The following BCL11A variants were observed in gnomAD, a reference collection of about 807,000 sequenced individuals.
BCL11A encodes the protein BCL11 transcription factor A.
A neutral mutation model predicts 55.9 loss-of-function variants in BCL11A; 2 were observed. The ratio of observed to expected loss-of-function variants is 0.04; its 90% confidence interval spans 0.01 to 0.11. The LOEUF (loss-of-function observed/expected upper bound fraction) is 0.11, where lower values mean the gene tolerates loss of function less well. Ranked by LOEUF, BCL11A falls within the 10% of genes least tolerant of loss-of-function variation. The pLI is 1.00. For missense variants in BCL11A, 817 were observed against 1,137.1 expected (o/e 0.72, Z 4.05); for synonymous variants, 465 against 473.4 (o/e 0.98, Z 0.23).
chr2:60,459,528 G>A lies in BCL11A; in HGVS notation c.*876C>T, dbSNP rs1362055367. 9.8e-7 allele frequency: 1 copy of A among 1,023,664 alleles called. No individual in the cohort carries two copies. The highest frequency in any genetic ancestry group is 1.7e-5 in the African/African-American group (1 of 58,714). 63.4% of individuals were successfully genotyped at this position (1,023,664 alleles called of 1,614,324 possible). A position where few individuals can be genotyped will look rare whatever the true frequency, so the allele number is the denominator to read the frequency against. On this transcript the variant is annotated 3_prime_UTR_variant, in exon 4 of 4. Coordinates refer to ENST00000642384, the MANE Select transcript of BCL11A (RefSeq NM_022893.4). ...ATGATGATTAACTAGGACATAATGGGTCATCTTTTTAGGTAGCCATTGTTG... is the reference window on the plus strand; with the variant it reads ...ATGATGATTAACTAGGACATAATGGATCATCTTTTTAGGTAGCCATTGTTG...
intron 2 of BCL11A, among the ~76,000 whole-genome samples, chr2:60,474,105 C>T (rs1320159162): frequency 6.6e-6 from 1 of 152,202 alleles, no homozygotes; most frequent in Non-Finnish European, 1.5e-5. Flanking sequence ...ATGCTATCCT[C>T]TTAGAGCCTT....
At chr2:60,533,718 G>A (rs762268073) in intron 2 of BCL11A, 5 of 152,248 alleles carry the variant, frequency 3.3e-5, no homozygotes, top group East Asian at 3.9e-4. Flanking sequence ...AGAATCGCTC[G>A]ACACACACAA....
intron 1 of BCL11A, among the ~76,000 whole-genome samples, chr2:60,552,722 T>C (rs1486198361): frequency 6.6e-6 from 1 of 152,120 alleles, no homozygotes; most frequent in Admixed American, 6.5e-5. Flanking sequence ...CTCACCTCTT[T>C]TCTCCCCGGG....
intron 2 of BCL11A, among the ~76,000 whole-genome samples, chr2:60,520,851 C>T (rs1315764715): frequency 1.3e-5 from 2 of 151,984 alleles, no homozygotes; most frequent in African/African-American, 2.4e-5. Flanking sequence ...CCAGTGGGTT[C>T]CCACCGGTGT....
At chr2:60,544,282 C>G (rs185992697) in intron 2 of BCL11A, 2 of 152,240 alleles carry the variant, frequency 1.3e-5, no homozygotes, top group African/African-American at 2.4e-5. Flanking sequence ...TCTCCGAAGA[C>G]GACAAATCCC....
chr2:60,514,866 G>GAAAAAAGAAAAAAA (rs1294230693), intron 2 of BCL11A, among the ~76,000 whole-genome samples: 1 of 80,102 alleles, frequency 1.2e-5, no homozygotes, highest in Admixed American at 1.2e-4. Flanking sequence ...CACTAAAACA[G>GAAAAAAGAAAAAAA]AAAAAAGAAA....
At chr2:60,492,796 G>GTGTTT (rs1247852267) in intron 2 of BCL11A, among the ~76,000 whole-genome samples, 11 of 152,194 alleles carry the variant, frequency 7.2e-5, no homozygotes, top group Non-Finnish European at 1.5e-4. Context: ...CCAGTGGTGG[G>GTGTTT]TGTTTTGTTT....
chr2:60,502,481 C>T (rs1679347246), intron 2 of BCL11A, among the ~76,000 whole-genome samples: 2 of 152,334 alleles, frequency 1.3e-5, no homozygotes, highest in Non-Finnish European at 2.9e-5. Flanking sequence ...TTGAGCTCTG[C>T]CATCACACAC....
At chr2:60,545,657 T>C in intron 2 of BCL11A, 1 of 323,716 alleles carries the variant, frequency 3.1e-6, no homozygotes, top group East Asian at 7.4e-5. Context: ...CTAGGTGTAG[T>C]AAAGCTCAAT....
At chr2:60,497,282 A>AG (rs925247532) in intron 2 of BCL11A, among the ~76,000 whole-genome samples, 2 of 152,220 alleles carry the variant, frequency 1.3e-5, no homozygotes, top group Non-Finnish European at 2.9e-5. Flanking sequence ...TTTTGTAAAG[A>AG]GGGGGGAAAA....
At chr2:60,516,398 T>C (rs1668728549) in intron 2 of BCL11A, among the ~76,000 whole-genome samples, 1 of 152,212 alleles carries the variant, frequency 6.6e-6, no homozygotes, top group East Asian at 1.9e-4. Context: ...TGCAAAGTTA[T>C]GAACAGCTCT....
chr2:60,496,387 A>G (rs1381959034), intron 2 of BCL11A, among the ~76,000 whole-genome samples: 4 of 152,178 alleles, frequency 2.6e-5, no homozygotes, highest in Non-Finnish European at 1.5e-5. Context: ...GCTTTGTGAA[A>G]CCATTTCCCA....
At chr2:60,540,857 T>C (rs1669887258) in intron 2 of BCL11A, among the ~76,000 whole-genome samples, 1 of 151,978 alleles carries the variant, frequency 6.6e-6, no homozygotes, top group Non-Finnish European at 1.5e-5. Flanking sequence ...GAGAAAGGTG[T>C]GCAAAACATA....
chr2:60,472,052 C>G (rs531454747), intron 2 of BCL11A, among the ~76,000 whole-genome samples: 8 of 152,284 alleles, frequency 5.3e-5, no homozygotes, highest in African/African-American at 1.9e-4. Flanking sequence ...TGTCCAGGAC[C>G]CACCTCCTTT....
At chr2:60,531,331 T>C (rs1669448438) in intron 2 of BCL11A, among the ~76,000 whole-genome samples, 1 of 152,196 alleles carries the variant, frequency 6.6e-6, no homozygotes, top group South Asian at 2.1e-4. Flanking sequence ...ATACTGGGAC[T>C]GCCCCCTCCT....
rs566013571 is a variant in BCL11A at position 60,550,909 on chromosome 2, A to G, written c.55+2307T>C. On this transcript the variant is annotated intron_variant, in intron 1 of 3. Transcript: ENST00000642384. ...TTCACACCGCCGCGCGCCGCGTCTG[A>G]TCCGCATCCGGCGCGGCCGGGGGAG... 1.5e-5 allele frequency: 6 copies of G among 392,994 alleles called. No homozygotes were observed. The South Asian group carries it at 6.5e-4, about 43-fold the overall frequency. 24.3% of individuals were successfully genotyped at this position (392,994 alleles called of 1,614,324 possible).
At chr2:60,476,938 C>A (rs1677640607) in intron 2 of BCL11A, among the ~76,000 whole-genome samples, 1 of 152,184 alleles carries the variant, frequency 6.6e-6, no homozygotes, top group African/African-American at 2.4e-5. Context: ...GGCTCAACTG[C>A]AATCCATGCC....
At chr2:60,464,179 A>G (rs1253263172) in intron 3 of BCL11A, among the ~76,000 whole-genome samples, 1 of 152,190 alleles carries the variant, frequency 6.6e-6, no homozygotes, top group Non-Finnish European at 1.5e-5. Context: ...TAAATCTCTT[A>G]AACAAGATTA....
Position 60,461,074 on chromosome 2 carries a change from G to A in BCL11A, c.1838C>T (p.Ala613Val). 1 of 1,602,974 alleles carries A rather than the reference G, an allele frequency of 6.2e-7. No individual in the cohort carries two copies. The highest frequency in any genetic ancestry group is 8.5e-7 in the Non-Finnish European group (1 of 1,173,814). The change falls in exon 4 of 4, where the codon GCC becomes GTC. Residue 613 changes from alanine to valine, a missense_variant. Coordinates refer to ENST00000642384, the MANE Select transcript of BCL11A (RefSeq NM_022893.4). ...NGRGCSPGES[A>V]SGGLSKKLLL... ...CAGCTTTTTGGACAGGCCCCCCGAG[G>A]CCGACTCGCCCGGGGAGCAGCCGCG... is the stretch of plus-strand genomic sequence containing the variant.
Sources: allele counts gnomAD v4.1 joint callset (sites outside exome capture counted in the v4.1 genomes callset), GRCh38; gene constraint gnomAD v4.1.1; transcripts MANE v1.5; gene names NCBI Gene and HGNC (gene_info 2026-07-23, HGNC 2026-07-21).